The following NALF1 variants were observed in gnomAD, a reference collection of about 807,000 sequenced individuals.
NALF1 encodes NALCN channel auxiliary factor 1.
Under a neutral mutation model 48.4 loss-of-function variants are expected in NALF1, and 3 were observed. The ratio of observed to expected loss-of-function variants is 0.06; its 90% confidence interval spans 0.03 to 0.16. The LOEUF (loss-of-function observed/expected upper bound fraction) is 0.16. Ranked by LOEUF, NALF1 falls within the 10% of genes least tolerant of loss-of-function variation. The probability of loss-of-function intolerance (pLI) is 1.00; values close to 1 mark genes in which losing one functional copy is unlikely to be tolerated. For synonymous variants in NALF1, 262 were observed against 245.7 expected, an observed-to-expected ratio of 1.07 and a Z score of -0.62; for missense variants, 526 against 571.5, an observed-to-expected ratio of 0.92 and a Z score of 0.81.
chr13:107,624,966 T>C (rs1399258035), intron 1 of NALF1, among the ~76,000 whole-genome samples: 1 of 152,192 alleles, frequency 6.6e-6, no homozygotes, highest in Non-Finnish European at 1.5e-5. Flanking sequence ...CAAATCTCTA[T>C]TCTTATGCAC....
At chr13:107,347,264 A>G (rs1882790358) in intron 1 of NALF1, among the ~76,000 whole-genome samples, 2 of 152,020 alleles carry the variant, frequency 1.3e-5, no homozygotes. Context: ...TCACATCATC[A>G]CTCTGTGCTA....
chr13:107,730,837 C>A (rs1876290516), intron 1 of NALF1, among the ~76,000 whole-genome samples: 1 of 152,152 alleles, frequency 6.6e-6, no homozygotes, highest in African/African-American at 2.4e-5. Flanking sequence ...AACGATGCAA[C>A]ATACTTCTGA....
intron 1 of NALF1, among the ~76,000 whole-genome samples, chr13:107,335,571 C>A (rs1882540550): frequency 6.6e-6 from 1 of 152,172 alleles, no homozygotes. Context: ...AATCATGAGA[C>A]ATGTTTGTGA....
intron 1 of NALF1, among the ~76,000 whole-genome samples, chr13:107,603,886 C>A (rs923849559): frequency 6.6e-6 from 1 of 152,246 alleles, no homozygotes; most frequent in East Asian, 1.9e-4. Flanking sequence ...GGAGATTGTT[C>A]CACTTTGTTG....
intron 1 of NALF1, among the ~76,000 whole-genome samples, chr13:107,301,707 T>A (rs1881840504): frequency 2.0e-5 from 3 of 152,202 alleles, no homozygotes; most frequent in Admixed American, 6.5e-5. Context: ...AGTTCCTTCT[T>A]GAATTAACAT....
Position 107,646,183 on chromosome 13 carries a change from C to T in NALF1, c.915+219499G>A, listed in dbSNP as rs185137831. Among the ~76,000 whole-genome samples the T allele has an allele frequency of 2.8e-3, 423 of 151,982 alleles. 1 individual carries two copies. The highest frequency in any genetic ancestry group is 4.3e-3 in the Non-Finnish European group (292 of 67,994). On this transcript the variant is annotated intron_variant, in intron 1 of 2. Coordinates refer to ENST00000375915, the MANE Select transcript of NALF1 (RefSeq NM_001080396.3). Reference sequence around the variant, plus strand: ...CTCAGTGGGAACGCTGGTCAACAAGCTATTCCTTTATAACTAAAATAGTAA... The same window carrying T: ...CTCAGTGGGAACGCTGGTCAACAAGTTATTCCTTTATAACTAAAATAGTAA...
chr13:107,674,041 A>C (rs1470163099), intron 1 of NALF1, among the ~76,000 whole-genome samples: 1 of 152,104 alleles, frequency 6.6e-6, no homozygotes. Flanking sequence ...CAAAGACAAG[A>C]GCAACACCAA....
rs562208983 is a variant in NALF1, at chr13:107,590,218, T to C, written c.915+275464A>G. Among the ~76,000 whole-genome samples the C allele has an allele frequency of 1.1e-4, 16 of 152,068 alleles. 1 individual carries two copies. The East Asian group carries it at 3.1e-3, about 29-fold the overall frequency. Reference sequence around the variant, plus strand: ...ATGAGTAGTAAGAAATCCATGAAAATTATAATATTCAACATCTGACTTGCA... The same window carrying C: ...ATGAGTAGTAAGAAATCCATGAAAACTATAATATTCAACATCTGACTTGCA... On this transcript the variant is annotated intron_variant, in intron 1 of 2. Coordinates refer to ENST00000375915, the MANE Select transcript of NALF1 (RefSeq NM_001080396.3).
intron 1 of NALF1, among the ~76,000 whole-genome samples, chr13:107,454,630 A>G (rs1452157544): frequency 6.6e-6 from 1 of 152,130 alleles, no homozygotes; most frequent in Non-Finnish European, 1.5e-5. Flanking sequence ...ACAGTTGTAT[A>G]TGTTTTGGCC....
At chr13:107,454,251 C>T (rs567251841) in intron 1 of NALF1, among the ~76,000 whole-genome samples, 14 of 152,210 alleles carry the variant, frequency 9.2e-5, no homozygotes, top group Admixed American at 2.6e-4. Flanking sequence ...CATATTAGTC[C>T]GTTTTCATAC....
At chr13:107,366,412 G>T (rs1289445419) in intron 1 of NALF1, among the ~76,000 whole-genome samples, 1 of 152,070 alleles carries the variant, frequency 6.6e-6, no homozygotes, top group East Asian at 1.9e-4. Flanking sequence ...AAATTCTCCA[G>T]TGCAAAGCCT....
At chr13:107,780,644 G>A (rs954479328) in intron 1 of NALF1, among the ~76,000 whole-genome samples, 15 of 151,646 alleles carry the variant, frequency 9.9e-5, no homozygotes, top group African/African-American at 3.4e-4. Context: ...GATTACAGGC[G>A]CCCACCAACA....
In NALF1 at chr13:107,866,899, GGAGAGA is replaced by G. The variant is rs35939139; in HGVS notation, c.-309_-304del. The stretch of plus-strand genomic sequence containing the variant: ...CCTCTGTAGAGTGGGAAACAATAAT[GGAGAGA>G]GAGAGAGAGAGAGAGACGGAGGAGG... On this transcript the variant is annotated 5_prime_UTR_variant, in exon 1 of 3. Coordinates refer to ENST00000375915, the MANE Select transcript of NALF1 (RefSeq NM_001080396.3). This position sits in a 1 kb window ranked among gnomAD's most constrained non-coding sequence, Gnocchi z 4.4. 1.2e-4 allele frequency among the ~76,000 whole-genome samples: 18 copies of G among 149,900 alleles called. No homozygotes were observed. Among genetic ancestry groups the G allele is most frequent in the Non-Finnish European group, 1.6e-4 (11 of 67,300 alleles).
At chr13:107,497,042 A>C (rs557377094) in intron 1 of NALF1, among the ~76,000 whole-genome samples, 1 of 152,266 alleles carries the variant, frequency 6.6e-6, no homozygotes, top group East Asian at 1.9e-4. Context: ...GCAATACATA[A>C]TTTTTTAAAT....
chr13:107,324,659 C>G (rs1267184117), intron 1 of NALF1, among the ~76,000 whole-genome samples: 1 of 152,140 alleles, frequency 6.6e-6, no homozygotes, highest in Admixed American at 6.6e-5. Context: ...TGTTGCGTAT[C>G]AGTTGTGTTT....
chr13:107,541,965 C>T (rs1016697788), intron 1 of NALF1, among the ~76,000 whole-genome samples: 4 of 151,954 alleles, frequency 2.6e-5, no homozygotes, highest in African/African-American at 9.7e-5. Flanking sequence ...GTGGAGCTGA[C>T]CACAACCTCA....
intron 1 of NALF1, among the ~76,000 whole-genome samples, chr13:107,381,494 T>C (rs9520421): frequency 0.32 from 48,530 of 151,818 alleles, 8,456 homozygotes; most frequent in Admixed American, 0.4. Context: ...CCACACCCGG[T>C]AGAAAACAGA....
intron 1 of NALF1, among the ~76,000 whole-genome samples, chr13:107,221,874 G>T (rs9301199): frequency 6.6e-6 from 1 of 151,944 alleles, no homozygotes; most frequent in African/African-American, 2.4e-5. Flanking sequence ...TAAGTGTAGA[G>T]TTGTTTGTGG....
At chr13:107,288,287 T>C (rs1881540871) in intron 1 of NALF1, among the ~76,000 whole-genome samples, 1 of 149,052 alleles carries the variant, frequency 6.7e-6, no homozygotes, top group Non-Finnish European at 1.5e-5. Context: ...TGGCGCGATC[T>C]CGGCTCACTG....
Sources: allele counts gnomAD v4.1 joint callset (sites outside exome capture counted in the v4.1 genomes callset), GRCh38; gene constraint gnomAD v4.1.1; non-coding constraint Gnocchi (gnomAD v3.1); transcripts MANE v1.5; gene names NCBI Gene and HGNC (gene_info 2026-07-23, HGNC 2026-07-21).